Variants in CNTRL observed in about 807,000 individuals in gnomAD.
The protein encoded by CNTRL is centriolin.
A neutral mutation model predicts 303.7 loss-of-function variants in CNTRL; 233 were observed. That is an observed-to-expected ratio of 0.77 (90% CI 0.69 to 0.86). The LOEUF (loss-of-function observed/expected upper bound fraction) is 0.86, where lower values mean the gene tolerates loss of function less well. Ranked by LOEUF, CNTRL falls within the 40% of genes least tolerant of loss-of-function variation. CNTRL has a pLI of 0.00. For missense variants in CNTRL, 2,524 were observed against 2,650.6 expected (o/e 0.95, Z 1.05); for synonymous variants, 900 against 922.2 (o/e 0.98, Z 0.44).
In CNTRL at chr9:121,148,968, A is replaced by G. The variant is rs537391251; in HGVS notation, c.3649+107A>G. 5.0e-6 allele frequency: 5 copies of G among 1,002,824 alleles called. No individual in the cohort carries two copies. The South Asian group carries it at 5.1e-5, about 10-fold the overall frequency. The allele number at this position is 1,002,824 out of a possible 1,614,324, so 62.1% of individuals were successfully genotyped here. ...CAATCCAGACTCCTTAGCTAGCTCC[A>G]TGAGGTCTTCTGTGATCTGGTCTTG... On this transcript the variant is annotated intron_variant, in intron 24 of 43. Coordinates refer to ENST00000373855, the MANE Select transcript of CNTRL (RefSeq NM_007018.6).
intron 13 of CNTRL, 108 bp downstream of exon 13, chr9:121,124,192 A>G (rs2050383473): frequency 4.4e-6 from 4 of 914,914 alleles, no homozygotes; most frequent in Non-Finnish European, 6.4e-6. Flanking sequence ...TTCACCTATT[A>G]GTACTAGTAT....
intron 39 of CNTRL, 82 bp from the exon 40 acceptor site, chr9:121,171,326 T>G (rs572457129): frequency 6.8e-7 from 1 of 1,470,986 alleles, no homozygotes; most frequent in East Asian, 2.3e-5. Flanking sequence ...GGAATGAAGT[T>G]ATAGAGCTAG....
At chr9:121,081,718 G>A (rs1276865943) in intron 2 of CNTRL, among the ~76,000 whole-genome samples, 3 of 152,228 alleles carry the variant, frequency 2.0e-5, no homozygotes, top group South Asian at 2.1e-4. Flanking sequence ...TCATGCTCTC[G>A]CCAGCATGCC....
At chr9:121,169,433 T>C (rs1277791371) in intron 38 of CNTRL, among the ~76,000 whole-genome samples, 178 bp from the exon 39 acceptor site, 1 of 152,204 alleles carries the variant, frequency 6.6e-6, no homozygotes, top group African/African-American at 2.4e-5. Context: ...GGCACCCTTA[T>C]CTGGGTTTTT....
At chr9:121,121,642 T>C (rs755962741) in intron 12 of CNTRL, 1 of 183,724 alleles carries the variant, frequency 5.4e-6, no homozygotes, top group Non-Finnish European at 1.0e-5. Flanking sequence ...GGGAACGAGC[T>C]GTAGTGATCT....
chr9:121,110,868 C>T (rs1011158836), intron 8 of CNTRL, among the ~76,000 whole-genome samples: 9 of 152,012 alleles, frequency 5.9e-5, no homozygotes, highest in Non-Finnish European at 1.3e-4. Context: ...TGCTTTTATT[C>T]ATGCATTTCT....
rs577675145 is a variant in CNTRL, at chr9:121,150,665, G to C, written c.3963+182G>C. 4.8e-4 allele frequency: 303 copies of C among 629,968 alleles called. 1 individual carries two copies. In the South Asian group the frequency reaches 6.0e-3, roughly 12 times the overall value. The allele number at this position is 629,968 out of a possible 1,614,324, so 39.0% of individuals were successfully genotyped here. A position where few individuals can be genotyped will look rare whatever the true frequency, so the allele number is the denominator to read the frequency against. ...AATTCTCTTATAAAAGCAGTGGCATGTGCCTATAATCCGAGCTACTCAGGA... is the reference window on the plus strand; with the variant it reads ...AATTCTCTTATAAAAGCAGTGGCATCTGCCTATAATCCGAGCTACTCAGGA... On this transcript the variant is annotated intron_variant, in intron 25 of 43. Transcript: ENST00000373855.
chr9:121,160,395 T>C, intron 32 of CNTRL, 93 bp downstream of exon 32: 1 of 930,670 alleles, frequency 1.1e-6, no homozygotes, highest in Non-Finnish European at 1.5e-6. Flanking sequence ...CAAAAAAACT[T>C]TAAAGTTTAA....
intron 30 of CNTRL, chr9:121,158,490 CA>C: frequency 4.5e-6 from 1 of 220,728 alleles, no homozygotes; most frequent in Non-Finnish European, 8.9e-6. Context: ...TTTAAAATTG[CA>C]ACGAATTTTT....
intron 12 of CNTRL, chr9:121,122,473 G>A (rs904810564): frequency 2.4e-6 from 2 of 818,186 alleles, no homozygotes; most frequent in African/African-American, 3.7e-5. Context: ...TAATCACATG[G>A]GTCTTAGACT....
chr9:121,173,581 T>A, intron 41 of CNTRL, 72 bp downstream of exon 41: 8 of 1,610,282 alleles, frequency 5.0e-6, no homozygotes, highest in Non-Finnish European at 6.8e-6. Flanking sequence ...AAAACACAGA[T>A]GTGGGGGTGC....
chr9:121,115,164 A>G lies in CNTRL; in HGVS notation c.1419A>G (p.Glu473=), dbSNP rs1300297866. The G allele has an allele frequency of 6.2e-7, 1 of 1,607,908 alleles. No homozygotes were observed. Among genetic ancestry groups the G allele is most frequent in the Non-Finnish European group, 8.5e-7 (1 of 1,175,780 alleles). Residue 473 remains glutamate (E), a synonymous_variant, in exon 11 of 44, where the codon GAA becomes GAG. Transcript: ENST00000373855. The part of the protein sequence containing the change: ...AEQQILRATE[E]FKQLEEAIQL... ...AACAAATTTTGAGAGCTACTGAAGA[A>G]TTTAAACAACTGGAAGAAGCTATAC...
At chr9:121,176,582 G>A (rs1026223737) in intron 43 of CNTRL, among the ~76,000 whole-genome samples, 2 of 152,110 alleles carry the variant, frequency 1.3e-5, no homozygotes, top group African/African-American at 4.8e-5. Flanking sequence ...AGTGCACAAG[G>A]GCTTAAAAGC....
intron 40 of CNTRL, 80 bp from the exon 41 acceptor site, chr9:121,173,163 T>TA (rs896561169): frequency 1.6e-6 from 2 of 1,279,574 alleles, no homozygotes; most frequent in Non-Finnish European, 2.2e-6. Flanking sequence ...GATCTTTAAA[T>TA]ACATGGCACA....
intron 7 of CNTRL, among the ~76,000 whole-genome samples, chr9:121,107,399 CTTA>C (rs1408340136): frequency 1.3e-5 from 2 of 152,120 alleles, no homozygotes; most frequent in South Asian, 2.1e-4. Flanking sequence ...CCTTTTGGAT[CTTA>C]TCCTAAGAGT....
intron 12 of CNTRL, among the ~76,000 whole-genome samples, chr9:121,120,120 G>GT (rs137879836): frequency 0.12 from 18,381 of 148,436 alleles, 1,254 homozygotes; most frequent in East Asian, 0.18. Flanking sequence ...AATAATAGGG[G>GT]TTTTTTTTTT....
chr9:121,162,397 A>G, intron 34 of CNTRL, 126 bp downstream of exon 34: 1 of 761,820 alleles, frequency 1.3e-6, no homozygotes, highest in South Asian at 1.6e-5. Context: ...ATCATAATAC[A>G]TTTTGCCAGT....
intron 7 of CNTRL, among the ~76,000 whole-genome samples, chr9:121,100,946 C>T (rs1320227140): frequency 2.0e-5 from 3 of 152,162 alleles, no homozygotes; most frequent in Non-Finnish European, 2.9e-5. Flanking sequence ...CTTAGACTCC[C>T]ACACAATAAT....
intron 40 of CNTRL, among the ~76,000 whole-genome samples, chr9:121,172,470 G>A (rs1450463479): frequency 6.6e-6 from 1 of 151,964 alleles, no homozygotes; most frequent in African/African-American, 2.4e-5. Flanking sequence ...CCGAGACCCC[G>A]TCTCTACTAA....
Sources: allele counts gnomAD v4.1 joint callset (sites outside exome capture counted in the v4.1 genomes callset), GRCh38; gene constraint gnomAD v4.1.1; transcripts MANE v1.5; gene names NCBI Gene and HGNC (gene_info 2026-07-23, HGNC 2026-07-21).